The following KATNAL1 variants were observed in gnomAD, a reference collection of about 807,000 sequenced individuals.
KATNAL1 encodes katanin catalytic subunit A1 like 1, also known as katanin p60 ATPase-containing subunit A-like 1.
KATNAL1 carries 32 observed loss-of-function variants against 55.2 expected under a neutral mutation model. The observed-to-expected ratio is 0.58, with a 90% CI of 0.44 to 0.78. KATNAL1 has a LOEUF of 0.78. Ranked by LOEUF, KATNAL1 falls within the 30% of genes least tolerant of loss-of-function variation. The pLI is 0.00. For missense variants in KATNAL1, 466 were observed against 600.9 expected, an observed-to-expected ratio of 0.78 and a Z score of 2.35; for synonymous variants, 193 against 193.6, an observed-to-expected ratio of 1.00 and a Z score of 0.02.
intron 3 of KATNAL1, among the ~76,000 whole-genome samples, chr13:30,261,148 C>T (rs909448204): frequency 7.2e-5 from 11 of 152,018 alleles, no homozygotes; most frequent in African/African-American, 2.7e-4. Flanking sequence ...AAATAAAATA[C>T]TTTACAGACA....
At chr13:30,216,763 GGT>G (rs1315401416) in intron 9 of KATNAL1, among the ~76,000 whole-genome samples, 1 of 152,196 alleles carries the variant, frequency 6.6e-6, no homozygotes, top group Non-Finnish European at 1.5e-5. Context: ...CTGATGTCCA[GGT>G]AAGAACTGAT....
intron 9 of KATNAL1, among the ~76,000 whole-genome samples, chr13:30,219,915 C>G (rs559174869): frequency 6.6e-6 from 1 of 152,284 alleles, no homozygotes; most frequent in African/African-American, 2.4e-5. Flanking sequence ...TGTCTTTCCC[C>G]TAATACCTAA....
rs181284554 is a variant in KATNAL1 at position 30,246,457 on chromosome 13, C to G, written c.493-5371G>C. 7.4e-4 allele frequency among the ~76,000 whole-genome samples: 112 copies of G among 152,262 alleles called. No homozygotes were observed. The East Asian group carries it at 0.019, about 25-fold the overall frequency. ...TAAAAACCCTAGAAGAAAACCTAGGCAATACCATTCAGGACATAGGCATGG... is the reference window on the plus strand; with the variant it reads ...TAAAAACCCTAGAAGAAAACCTAGGGAATACCATTCAGGACATAGGCATGG... On this transcript the variant is annotated intron_variant, in intron 4 of 10. Transcript: ENST00000380615.
intron 2 of KATNAL1, 131 bp downstream of exon 2, chr13:30,283,485 T>C: frequency 6.1e-6 from 4 of 650,758 alleles, no homozygotes; most frequent in Non-Finnish European, 9.8e-6. Flanking sequence ...ATATTTTAAA[T>C]GTATTTCAGT....
intron 9 of KATNAL1, among the ~76,000 whole-genome samples, chr13:30,215,979 A>G (rs925223197): frequency 1.3e-5 from 2 of 152,176 alleles, no homozygotes; most frequent in Non-Finnish European, 2.9e-5. Flanking sequence ...AAGCCACCCA[A>G]TCTTTGATAT....
At chr13:30,296,273 T>C in intron 1 of KATNAL1, 1 of 1,198,480 alleles carries the variant, frequency 8.3e-7, no homozygotes, top group South Asian at 1.5e-5. Flanking sequence ...CCTCTTTTTC[T>C]ACCCTCTGGA....
intron 3 of KATNAL1, among the ~76,000 whole-genome samples, chr13:30,256,436 T>C (rs988211835): frequency 6.6e-6 from 1 of 152,218 alleles, no homozygotes; most frequent in African/African-American, 2.4e-5. Context: ...GAAATGTCTC[T>C]ACCTCTGTTT....
intron 4 of KATNAL1, among the ~76,000 whole-genome samples, chr13:30,246,899 T>A (rs1877850804): frequency 6.6e-6 from 1 of 152,104 alleles, no homozygotes; most frequent in Non-Finnish European, 1.5e-5. Context: ...TGATTTTGAA[T>A]TCTATTTCAT....
chr13:30,224,222 T>G (rs1875209777), intron 9 of KATNAL1, among the ~76,000 whole-genome samples: 2 of 151,906 alleles, frequency 1.3e-5, no homozygotes, highest in Non-Finnish European at 2.9e-5. Context: ...AATGAGAAAT[T>G]TATAGCTTTA....
chr13:30,292,431 G>T (rs1882196053), intron 1 of KATNAL1, among the ~76,000 whole-genome samples: 1 of 151,876 alleles, frequency 6.6e-6, no homozygotes, highest in African/African-American at 2.4e-5. Flanking sequence ...AAAGGGCCAT[G>T]TAACACCTGC....
At chr13:30,214,953 C>T (rs1051848871) in intron 9 of KATNAL1, among the ~76,000 whole-genome samples, 4 of 152,028 alleles carry the variant, frequency 2.6e-5, no homozygotes, top group African/African-American at 9.7e-5. Context: ...AGCTTCTGCA[C>T]AGCAAAAGAA....
intron 6 of KATNAL1, 60 bp downstream of exon 6, chr13:30,240,400 G>T (rs1212337337): frequency 8.6e-7 from 1 of 1,162,558 alleles, no homozygotes; most frequent in Non-Finnish European, 1.3e-6. Flanking sequence ...CAGCAATGCT[G>T]CCTTTCATTC....
chr13:30,299,815 G>T (rs972868019), intron 1 of KATNAL1, among the ~76,000 whole-genome samples: 4 of 152,182 alleles, frequency 2.6e-5, no homozygotes, highest in Admixed American at 2.6e-4. Flanking sequence ...GAAGAGCTCA[G>T]TCCAAGTTCA....
At position 30,204,488 on chromosome 13, in the gene KATNAL1, A is replaced by G. The variant is rs968352843; in HGVS notation, c.*4052T>C. 6.6e-6 allele frequency: 1 copy of G among 152,242 alleles called. No individual in the cohort carries two copies. The highest frequency in any genetic ancestry group is 1.5e-5 in the Non-Finnish European group (1 of 68,048). 9.4% of individuals were successfully genotyped at this position (152,242 alleles called of 1,614,324 possible). On this transcript the variant is annotated 3_prime_UTR_variant, in exon 11 of 11. Coordinates refer to ENST00000380615, the MANE Select transcript of KATNAL1 (RefSeq NM_032116.5). ...AGCTGGTTAGTGTTTTATGATTCTC[A>G]TCACACATTTAGCAGTGTATATAAA...
At chr13:30,290,216 T>C (rs1313087732) in intron 1 of KATNAL1, among the ~76,000 whole-genome samples, 1 of 151,258 alleles carries the variant, frequency 6.6e-6, no homozygotes, top group Non-Finnish European at 1.5e-5. Flanking sequence ...AAGAAATCAA[T>C]GAAATAGAAA....
intron 6 of KATNAL1, among the ~76,000 whole-genome samples, chr13:30,239,504 G>GT (rs765237707): frequency 2.0e-5 from 3 of 151,906 alleles, no homozygotes; most frequent in Admixed American, 2.0e-4. Flanking sequence ...TTAAAAAAAC[G>GT]TAATAGTTCT....
chr13:30,246,315 C>T (rs568867265), intron 4 of KATNAL1, among the ~76,000 whole-genome samples: 113 of 152,214 alleles, frequency 7.4e-4, no homozygotes, highest in East Asian at 2.7e-3. Context: ...ATTTAATAGA[C>T]GGTGTTGGGA....
chr13:30,283,879 T>C (rs1881593804), intron 1 of KATNAL1, 88 bp from the exon 2 acceptor site: 11 of 467,076 alleles, frequency 2.4e-5, no homozygotes, highest in Non-Finnish European at 2.8e-5. Context: ...TAAAACTACT[T>C]TTTTTTTTTT....
intron 1 of KATNAL1, among the ~76,000 whole-genome samples, chr13:30,306,444 A>T (rs1214117204): frequency 1.2e-5 from 1 of 83,970 alleles, no homozygotes; most frequent in African/African-American, 5.6e-5. Context: ...GGCAGTGTTC[A>T]GGCTGGCAAG....
Sources: gnomAD v4.1 joint callset for allele counts (sites outside exome capture counted in the v4.1 genomes callset) on GRCh38, gnomAD v4.1.1 for gene constraint, MANE v1.5 for transcripts, NCBI Gene and HGNC (gene_info 2026-07-23, HGNC 2026-07-21) for gene names.